MICAL1: variants seen among roughly 807,000 people sequenced by gnomAD.
The protein encoded by MICAL1 is microtubule associated monooxygenase, calponin and LIM domain containing 1.
MICAL1 carries 95 observed loss-of-function variants against 131.8 expected under a neutral mutation model. The ratio of observed to expected loss-of-function variants is 0.72; its 90% CI spans 0.61 to 0.86. MICAL1 has a LOEUF of 0.86. Ranked by LOEUF, MICAL1 falls within the 40% of genes least tolerant of loss-of-function variation. The pLI, the probability that MICAL1 is intolerant of heterozygous loss-of-function variation, is 0.00. For missense variants in MICAL1, 1,292 were observed against 1,380.6 expected, an observed-to-expected ratio of 0.94 and a Z score of 1.02; for synonymous variants, 546 against 554.2, an observed-to-expected ratio of 0.99 and a Z score of 0.21.
chr6:109,452,710 G>T (rs1775595016), intron 4 of MICAL1, 95 bp from the exon 5 acceptor site: 1 of 869,834 alleles, frequency 1.1e-6, no homozygotes, highest in South Asian at 1.7e-5. Flanking sequence ...AACGTGTAAA[G>T]GACTCTCTGG....
At chr6:109,464,978 T>G (rs2115351980) in intron 1 of MICAL1, 1 of 152,340 alleles carries the variant, frequency 6.6e-6, no homozygotes, top group Admixed American at 6.5e-5. Flanking sequence ...TAAATTACAC[T>G]GAATAAAGTT....
At chr6:109,447,593 A>G (rs1297206482) in intron 15 of MICAL1, 88 bp downstream of exon 15, 1 of 1,598,466 alleles carries the variant, frequency 6.3e-7, no homozygotes, top group Non-Finnish European at 8.6e-7. Context: ...GTGGGGAACA[A>G]GACATGGGAT....
At chr6:109,456,515 G>T (rs533479074), upstream of MICAL1, among the ~76,000 whole-genome samples, 9 of 152,300 alleles carry the variant, frequency 5.9e-5, no homozygotes, top group East Asian at 1.2e-3. Context: ...AGGGGATGGC[G>T]GGGCGGGTTA....
chr6:109,455,841 C>A (rs938691631), upstream of MICAL1: 72 of 985,452 alleles, frequency 7.3e-5, no homozygotes, highest in Non-Finnish European at 8.3e-5. This position sits in a 1 kb window ranked among gnomAD's most constrained non-coding sequence, Gnocchi z 4.7. Context: ...TGCTGGGATG[C>A]GGGGCGGCCC....
At chr6:109,447,299 A>G (rs1480108898) in intron 16 of MICAL1, 58 bp downstream of exon 16, 2 of 1,613,820 alleles carry the variant, frequency 1.2e-6, no homozygotes, top group Non-Finnish European at 1.7e-6. Context: ...CCCTCCCATG[A>G]AACGCCCCTG....
intron 7 of MICAL1, among the ~76,000 whole-genome samples, chr6:109,450,772 T>G (rs1458828207): frequency 6.6e-6 from 1 of 152,200 alleles, no homozygotes; most frequent in African/African-American, 2.4e-5. Flanking sequence ...TGCTGCTGGG[T>G]GTCCCAGGCT....
chr6:109,462,430 T>C (rs956329438), intron 1 of MICAL1, among the ~76,000 whole-genome samples: 1 of 152,206 alleles, frequency 6.6e-6, no homozygotes, highest in Non-Finnish European at 1.5e-5. Context: ...ACATGGAAGA[T>C]GTTTGAGACC....
At position 109,451,730 on chromosome 6, in the gene MICAL1, A is replaced by G. The variant is rs777823499; in HGVS notation, c.833-30T>C. On this transcript the variant is annotated intron_variant, in intron 6 of 24. Coordinates refer to ENST00000358807, the MANE Select transcript of MICAL1 (RefSeq NM_022765.4). ...GGGTACAGGGCAGGGGACAGTAGAT[A>G]TGTCTCCTGATAATGCATCACCTTC... 2.2e-5 allele frequency: 36 copies of G among 1,611,590 alleles called. No homozygotes were observed. In the South Asian group the frequency reaches 3.8e-4, roughly 17 times the overall value.
At chr6:109,445,989 G>A (rs1253360181) in intron 19 of MICAL1, 127 bp from the exon 20 acceptor site, 15 of 1,487,604 alleles carry the variant, frequency 1.0e-5, no homozygotes, top group Non-Finnish European at 1.3e-5. Context: ...GGGCATGGGA[G>A]GAACTGAGAA....
At chr6:109,444,479 A>C in intron 24 of MICAL1, 140 bp from the exon 25 acceptor site, 1 of 1,284,030 alleles carries the variant, frequency 7.8e-7, no homozygotes, top group Non-Finnish European at 1.1e-6. Flanking sequence ...TGCCAACACC[A>C]GTGGTTTTCT....
Position 109,453,767 on chromosome 6 carries a change from C to G in MICAL1, c.337G>C (p.Val113Leu). 6.2e-7 allele frequency: 1 copy of G among 1,613,746 alleles called. No individual in the cohort carries two copies. Among genetic ancestry groups the G allele is most frequent in the Non-Finnish European group, 8.5e-7 (1 of 1,180,012 alleles). Reference protein sequence around the residue: ...LALLGARVVLVEKRTKFSRHN... With the variant: ...LALLGARVVLLEKRTKFSRHN... ...CGAGAGAACTTGGTGCGCTTTTCCA[C>G]CAGCACCACTCGGGCCCCCAGCAGC... The change falls in exon 3 of 25, where the codon GTG becomes CTG. Residue 113 changes from valine to leucine, a missense_variant. Transcript: ENST00000358807.
chr6:109,448,133 TCA>T (rs3054663), intron 13 of MICAL1, 68 bp downstream of exon 13: 55,188 of 1,333,694 alleles, frequency 0.041, no homozygotes, highest in Non-Finnish European at 0.046. Context: ...TCTCCCTCTG[TCA>T]CACACACACA....
In MICAL1 at chr6:109,450,408, G is replaced by C; in HGVS notation, c.1083C>G (p.Val361=). The C allele has an allele frequency of 6.2e-7, 1 of 1,613,614 alleles. No individual in the cohort carries two copies. Among genetic ancestry groups the C allele is most frequent in the African/African-American group, 1.3e-5 (1 of 75,068 alleles). The change falls in exon 8 of 25, where the codon GTC becomes GTG. Residue 361 remains valine, a synonymous_variant. Coordinates refer to ENST00000358807, the MANE Select transcript of MICAL1 (RefSeq NM_022765.4). ...FAQDAHGQPD[V]SAFDFTSMMR... ...TCATGCTCGTGAAGTCAAAGGCAGA[G>C]ACATCAGGCTGCCCATGGGCATCCT... is the stretch of plus-strand genomic sequence containing the variant.
In MICAL1 at chr6:109,449,390, G is replaced by C. The variant is rs774244584; in HGVS notation, c.1516+10C>G. On this transcript the variant is annotated intron_variant, in intron 11 of 24. Transcript: ENST00000358807. ...ATTTTGGTCACCCCTTGGGAGGAAG[G>C]CCTGCTCACCGGTGGCTGGCATCCC... The C allele has an allele frequency of 3.1e-6, 5 of 1,614,064 alleles. No homozygotes were observed. The African/African-American group carries it at 4.0e-5, about 13-fold the overall frequency.
chr6:109,448,483 G>A (rs541227052), intron 12 of MICAL1, 90 bp from the exon 13 acceptor site: 4 of 1,458,206 alleles, frequency 2.7e-6, no homozygotes, highest in Admixed American at 3.4e-5. Flanking sequence ...GGGACAGCAA[G>A]CAGCAGCTGG....
upstream of MICAL1, among the ~76,000 whole-genome samples, chr6:109,456,826 G>A (rs1160093089): frequency 6.6e-6 from 1 of 152,236 alleles, no homozygotes; most frequent in Non-Finnish European, 1.5e-5. Flanking sequence ...CTGAGTCACA[G>A]ATGTTCTGTG....
Position 109,448,336 on chromosome 6 carries a change from C to T in MICAL1, c.1722G>A (p.Lys574=), listed in dbSNP as rs767032412. The change falls in exon 13 of 25, where the codon AAG becomes AAA. Residue 574 remains lysine, a synonymous_variant. Transcript: ENST00000358807. ...TGATGCCCAGCTCATTCTCTGCCAC[C>T]TTTAGTGCCCAAGCAGTTGCTTCCA... is the stretch of plus-strand genomic sequence containing the variant. ...GALEATAWAL[K]VAENELGITP... is the part of the protein sequence containing the mutation. 3.7e-6 allele frequency: 6 copies of T among 1,613,906 alleles called. No homozygotes were observed. Among genetic ancestry groups the T allele is most frequent in the East Asian group, 2.2e-5 (1 of 44,886 alleles).
chr6:109,448,188 T>C lies in MICAL1; in HGVS notation c.1855+15A>G, dbSNP rs1775332702. On this transcript the variant is annotated intron_variant, in intron 13 of 24. Coordinates refer to ENST00000358807, the MANE Select transcript of MICAL1 (RefSeq NM_022765.4). ...CCCCATCCCAGTTATCCTGCCCGCCTTTCCTTCAGGTCACCTGGGCTGTGG... is the reference window on the plus strand; with the variant it reads ...CCCCATCCCAGTTATCCTGCCCGCCCTTCCTTCAGGTCACCTGGGCTGTGG... 1.3e-6 allele frequency: 2 copies of C among 1,562,756 alleles called. No individual in the cohort carries two copies. Among genetic ancestry groups the C allele is most frequent in the South Asian group, 1.1e-5 (1 of 89,660 alleles).
At chr6:109,453,240 C>T in intron 4 of MICAL1, 23 bp downstream of exon 4, 1 of 1,588,404 alleles carries the variant, frequency 6.3e-7, no homozygotes, top group Non-Finnish European at 8.6e-7. Flanking sequence ...GGGGGAGATT[C>T]CAGGGAGCAT....
Sources: gnomAD v4.1 joint callset for allele counts (sites outside exome capture counted in the v4.1 genomes callset) on GRCh38, gnomAD v4.1.1 for gene constraint, Gnocchi (gnomAD v3.1) non-coding constraint, MANE v1.5 for transcripts, NCBI Gene and HGNC (gene_info 2026-07-23, HGNC 2026-07-21) for gene names.